Variants in CA5A observed in about 807,000 individuals in gnomAD.
The protein encoded by CA5A is carbonic anhydrase 5A, mitochondrial.
In CA5A, 28 loss-of-function variants were observed where a neutral mutation model predicts 37.1. The ratio of observed to expected loss-of-function variants is 0.75; its 90% confidence interval spans 0.56 to 1.03. The LOEUF (loss-of-function observed/expected upper bound fraction) is 1.03, where lower values mean the gene tolerates loss of function less well. CA5A is among the 50% of genes least tolerant of loss of function. The pLI, the probability that CA5A is intolerant of heterozygous loss-of-function variation, is 0.00. For synonymous variants in CA5A, 171 were observed against 158.4 expected, an observed-to-expected ratio of 1.08 and a Z score of -0.60; for missense variants, 444 against 399.9, an observed-to-expected ratio of 1.11 and a Z score of -0.94.
intron 2 of CA5A, among the ~76,000 whole-genome samples, chr16:87,923,274 C>T (rs1259491912): frequency 1.3e-5 from 2 of 152,118 alleles, no homozygotes; most frequent in Non-Finnish European, 2.9e-5. Flanking sequence ...CTGCAAACTC[C>T]ACCTCCCAAA....
chr16:87,908,547 G>A (rs189584862), intron 2 of CA5A, among the ~76,000 whole-genome samples: 173 of 152,350 alleles, frequency 1.1e-3, no homozygotes, highest in African/African-American at 3.8e-3. Context: ...TAAGTCCACT[G>A]ACAGCCGATG....
chr16:87,902,082 G>A (rs867168821), intron 4 of CA5A, 108 bp from the exon 5 acceptor site: 28 of 986,990 alleles, frequency 2.8e-5, no homozygotes, highest in African/African-American at 1.7e-4. Flanking sequence ...GGCCAGGTGC[G>A]GTGGCTCATG....
At chr16:87,910,835 C>T (rs1455808895) in intron 2 of CA5A, among the ~76,000 whole-genome samples, 1 of 152,120 alleles carries the variant, frequency 6.6e-6, no homozygotes, top group African/African-American at 2.4e-5. Flanking sequence ...CTGCAACCTC[C>T]ACCTCCTGAG....
intron 1 of CA5A, among the ~76,000 whole-genome samples, chr16:87,929,177 C>T (rs565047581): frequency 1.3e-4 from 20 of 150,822 alleles, no homozygotes; most frequent in East Asian, 4.0e-4. Flanking sequence ...CCTGGCTGGG[C>T]GCGGTGGCTC....
chr16:87,886,716 G>C (rs945718658), downstream of CA5A: 1 of 152,092 alleles, frequency 6.6e-6, no homozygotes, highest in African/African-American at 2.4e-5. Flanking sequence ...TCAATCAATA[G>C]ATAGATCAAT....
downstream of CA5A, chr16:87,883,555 C>T (rs887915819): frequency 1.3e-5 from 2 of 151,628 alleles, no homozygotes; most frequent in Non-Finnish European, 2.9e-5. Context: ...TGGTCTTGAT[C>T]TCCTGACCTC....
At chr16:87,895,268 G>A (rs189343444) in intron 5 of CA5A, among the ~76,000 whole-genome samples, 5 of 151,942 alleles carry the variant, frequency 3.3e-5, no homozygotes, top group Admixed American at 1.3e-4. Context: ...TAAATAGGCT[G>A]GGCACGGTGG....
At chr16:87,912,282 A>G (rs2056062819) in intron 2 of CA5A, among the ~76,000 whole-genome samples, 1 of 152,152 alleles carries the variant, frequency 6.6e-6, no homozygotes, top group Admixed American at 6.6e-5. Flanking sequence ...AGCCTGGGCG[A>G]CAGAGGGAGA....
chr16:87,913,421 G>C (rs539283644), intron 2 of CA5A, among the ~76,000 whole-genome samples: 1 of 150,818 alleles, frequency 6.6e-6, no homozygotes. Flanking sequence ...TCCCCTCTCT[G>C]CCTCCTGAGT....
Position 87,891,961 on chromosome 16 carries a change from G to A in CA5A, c.619-7C>T, listed in dbSNP as rs558522180. 44 of 1,528,642 alleles carry A rather than the reference G, an allele frequency of 2.9e-5. No individual in the cohort carries two copies. In the East Asian group the frequency reaches 8.3e-4, roughly 29 times the overall value. 94.7% of individuals were successfully genotyped at this position (1,528,642 alleles called of 1,614,324 possible). A position where few individuals can be genotyped will look rare whatever the true frequency, so the allele number is the denominator to read the frequency against. ...GCATGGCCGCCCGCGCGTCCTGAGAGACCGAGAAGCACAGGACGTGTCAGT... is the reference window on the plus strand; with the variant it reads ...GCATGGCCGCCCGCGCGTCCTGAGAAACCGAGAAGCACAGGACGTGTCAGT... On this transcript the variant is annotated splice_polypyrimidine_tract_variant and splice_region_variant and intron_variant, in intron 5 of 6. Coordinates refer to ENST00000649794, the MANE Select transcript of CA5A (RefSeq NM_001739.2).
chr16:87,915,700 A>G lies in CA5A; in HGVS notation c.341-10796T>C, dbSNP rs1402352260. On this transcript the variant is annotated intron_variant, in intron 2 of 6. Transcript: ENST00000649794. ...CAAGATCCTGTCTCCAAAAAAAAAA[A>G]AAAAAAAAAAAAAAGGAAAAACTAT... Among the ~76,000 whole-genome samples, 801 of 149,158 alleles carry G rather than the reference A, an allele frequency of 5.4e-3. 8 individuals are homozygous for G. The highest frequency in any genetic ancestry group is 8.7e-3 in the Admixed American group (130 of 14,928).
chr16:87,923,892 C>A (rs555380351), intron 2 of CA5A: 1 of 984,672 alleles, frequency 1.0e-6, no homozygotes, highest in Admixed American at 6.2e-5. Flanking sequence ...AAATATTAAC[C>A]CAAACAATTA....
intron 2 of CA5A, among the ~76,000 whole-genome samples, chr16:87,921,267 A>C (rs1351519231): frequency 6.6e-6 from 1 of 152,198 alleles, no homozygotes; most frequent in Admixed American, 6.5e-5. Flanking sequence ...CTTGGAAGCA[A>C]GTGATAGGAA....
At chr16:87,936,208 C>T (rs926502937) in intron 1 of CA5A, 101 bp downstream of exon 1, 2 of 707,690 alleles carry the variant, frequency 2.8e-6, no homozygotes, top group Admixed American at 2.4e-5. Context: ...GAAATCTGAA[C>T]CCATCTGGCT....
chr16:87,916,104 C>T (rs1023851556), intron 2 of CA5A, among the ~76,000 whole-genome samples: 1 of 148,472 alleles, frequency 6.7e-6, no homozygotes, highest in African/African-American at 2.6e-5. Flanking sequence ...GGAGGTGGAG[C>T]TTGCAGTGAG....
exon 5 of CA5A, chr16:87,881,567 T>G (rs2055608054): frequency 6.6e-6 from 1 of 152,416 alleles, no homozygotes; most frequent in Admixed American, 6.5e-5. Context: ...CAGGCGTATC[T>G]TTATTAAACA....
chr16:87,885,125 T>A (rs2055638630), downstream of CA5A: 1 of 158,244 alleles, frequency 6.3e-6, no homozygotes, highest in Admixed American at 6.4e-5. Flanking sequence ...ATTGCGCCAC[T>A]GCACTCCAGC....
chr16:87,935,779 G>A (rs1197954397), intron 1 of CA5A, among the ~76,000 whole-genome samples: 1 of 152,036 alleles, frequency 6.6e-6, no homozygotes, highest in African/African-American at 2.4e-5. Flanking sequence ...TGGAGGCTGA[G>A]GCAGGAGAAT....
chr16:87,909,415 TGAG>T (rs1387563581), intron 2 of CA5A, among the ~76,000 whole-genome samples: 1 of 152,024 alleles, frequency 6.6e-6, no homozygotes, highest in Non-Finnish European at 1.5e-5. Context: ...GATACGCAAA[TGAG>T]GAGGGAAGCG....
Sources: allele counts gnomAD v4.1 joint callset (sites outside exome capture counted in the v4.1 genomes callset), GRCh38; gene constraint gnomAD v4.1.1; transcripts MANE v1.5; gene names NCBI Gene and HGNC (gene_info 2026-07-23, HGNC 2026-07-21).